Variants in GALNTL6 observed in about 807,000 individuals in gnomAD.
GALNTL6 encodes the protein polypeptide N-acetylgalactosaminyltransferase-like 6.
A neutral mutation model predicts 73.7 loss-of-function variants in GALNTL6; 46 were observed. The observed-to-expected ratio is 0.62, with a 90% CI of 0.49 to 0.80. The LOEUF (loss-of-function observed/expected upper bound fraction) is 0.80. Ranked by LOEUF, GALNTL6 falls within the 30% of genes least tolerant of loss-of-function variation. The pLI, the probability that GALNTL6 is intolerant of heterozygous loss-of-function variation, is 0.00. For synonymous variants in GALNTL6, 259 were observed against 263.7 expected, an observed-to-expected ratio of 0.98 and a Z score of 0.17; for missense variants, 604 against 755.0, an observed-to-expected ratio of 0.80 and a Z score of 2.34.
chr4:172,638,829 T>G (rs1448179499), intron 5 of GALNTL6, among the ~76,000 whole-genome samples: 1 of 152,136 alleles, frequency 6.6e-6, no homozygotes, highest in Non-Finnish European at 1.5e-5. Flanking sequence ...TGCCTCTAAT[T>G]TGGGACAGTT....
At position 171,814,566 on chromosome 4, in the gene GALNTL6, C is replaced by T. The variant is rs1276311292; in HGVS notation, c.-15C>T. The T allele has an allele frequency of 6.2e-7, 1 of 1,613,774 alleles. No homozygotes were observed. The highest frequency in any genetic ancestry group is 2.2e-5 in the East Asian group (1 of 44,870). ...AGCCATCTCCTTTAACTTTTCTTCT[C>T]TGTTACCATTTGCAATGAAGAGGAA... On this transcript the variant is annotated 5_prime_UTR_variant, in exon 2 of 13. Coordinates refer to ENST00000506823, the MANE Select transcript of GALNTL6 (RefSeq NM_001034845.3).
intron 5 of GALNTL6, among the ~76,000 whole-genome samples, chr4:172,381,422 C>A (rs900310593): frequency 1.3e-5 from 2 of 152,134 alleles, no homozygotes; most frequent in Non-Finnish European, 2.9e-5. Flanking sequence ...AGCAGTCACT[C>A]CCATTCCTCC....
chr4:172,298,001 A>G (rs373244712), intron 3 of GALNTL6, among the ~76,000 whole-genome samples: 1 of 152,172 alleles, frequency 6.6e-6, no homozygotes, highest in Non-Finnish European at 1.5e-5. Context: ...ATGTTCTTCC[A>G]TTTGTTTATA....
At position 172,394,355 on chromosome 4, in the gene GALNTL6, T is replaced by C. The variant is rs949949944; in HGVS notation, c.553+45666T>C. On this transcript the variant is annotated intron_variant, in intron 5 of 12. Transcript: ENST00000506823. ...TGGAGTTTCTTTGATGTAACACATG[T>C]GTTCCCAACTTCAACAAAAAAGCCA... Among the ~76,000 whole-genome samples, 4 of 152,040 alleles carry C rather than the reference T, an allele frequency of 2.6e-5. No individual in the cohort carries two copies. In the East Asian group the frequency reaches 7.7e-4, roughly 29 times the overall value.
chr4:172,831,097 G>T (rs1156609924), intron 7 of GALNTL6, among the ~76,000 whole-genome samples: 1 of 143,700 alleles, frequency 7.0e-6, no homozygotes, highest in Non-Finnish European at 1.5e-5. Flanking sequence ...GGCGGAGGTT[G>T]CAGTGAGCGG....
chr4:172,051,109 A>AC (rs1207227339), intron 2 of GALNTL6, among the ~76,000 whole-genome samples: 2 of 151,460 alleles, frequency 1.3e-5, no homozygotes, highest in Non-Finnish European at 2.9e-5. Flanking sequence ...GAGTTCCCTG[A>AC]CCCCCCTACA....
intron 11 of GALNTL6, among the ~76,000 whole-genome samples, chr4:173,019,775 C>T (rs1752924715): frequency 6.6e-6 from 1 of 152,210 alleles, no homozygotes; most frequent in African/African-American, 2.4e-5. Flanking sequence ...TGTTCACATG[C>T]TCGTTTAGGT....
chr4:171,927,606 T>A (rs1738029090), intron 2 of GALNTL6, among the ~76,000 whole-genome samples: 2 of 152,106 alleles, frequency 1.3e-5, no homozygotes, highest in Admixed American at 1.3e-4. Context: ...TTGGCACCCC[T>A]TAGTCCTCAT....
intron 12 of GALNTL6, among the ~76,000 whole-genome samples, chr4:173,025,209 A>G (rs954209796): frequency 2.6e-5 from 4 of 152,220 alleles, no homozygotes; most frequent in South Asian, 4.1e-4. Context: ...GTTTCCTACA[A>G]TAACAGGCAC....
At chr4:172,477,712 C>T (rs1003584726) in intron 5 of GALNTL6, among the ~76,000 whole-genome samples, 1 of 152,112 alleles carries the variant, frequency 6.6e-6, no homozygotes, top group Non-Finnish European at 1.5e-5. Context: ...GGAGAGTAAA[C>T]AATTACATTT....
At chr4:172,446,859 G>T (rs745696930) in intron 5 of GALNTL6, among the ~76,000 whole-genome samples, 1 of 152,098 alleles carries the variant, frequency 6.6e-6, no homozygotes, top group African/African-American at 2.4e-5. Flanking sequence ...TGCAACTGTG[G>T]ATGATATACT....
At chr4:171,839,587 C>T (rs924165600) in intron 2 of GALNTL6, among the ~76,000 whole-genome samples, 2 of 151,670 alleles carry the variant, frequency 1.3e-5, no homozygotes, top group African/African-American at 4.9e-5. Context: ...CACATACTTG[C>T]ACATACGTTC....
intron 5 of GALNTL6, among the ~76,000 whole-genome samples, chr4:172,753,861 T>C (rs1249083016): frequency 6.6e-6 from 1 of 152,054 alleles, no homozygotes; most frequent in Non-Finnish European, 1.5e-5. Context: ...AAAAAAAATC[T>C]GTGGAAGATT....
intron 7 of GALNTL6, among the ~76,000 whole-genome samples, chr4:172,838,359 C>T (rs766226911): frequency 1.5e-4 from 23 of 152,124 alleles, no homozygotes; most frequent in Non-Finnish European, 2.5e-4. Context: ...GTCCGGTGGG[C>T]GGAGTCCAGA....
At chr4:172,128,943 G>C (rs1733380352) in intron 2 of GALNTL6, among the ~76,000 whole-genome samples, 1 of 152,116 alleles carries the variant, frequency 6.6e-6, no homozygotes, top group Non-Finnish European at 1.5e-5. Context: ...TGTTTGATTT[G>C]AAGGCCTAAC....
chr4:172,691,113 G>A (rs1052899976), intron 5 of GALNTL6, among the ~76,000 whole-genome samples: 2 of 152,176 alleles, frequency 1.3e-5, no homozygotes, highest in Non-Finnish European at 2.9e-5. Flanking sequence ...TTCCATGGAG[G>A]AGGACAACAT....
At chr4:172,031,072 A>C (rs1741752075) in intron 2 of GALNTL6, among the ~76,000 whole-genome samples, 1 of 152,054 alleles carries the variant, frequency 6.6e-6, no homozygotes, top group Non-Finnish European at 1.5e-5. Flanking sequence ...ATTATCATAG[A>C]AATGCCCTAT....
At chr4:172,001,627 G>T (rs1485407063) in intron 2 of GALNTL6, among the ~76,000 whole-genome samples, 2 of 152,106 alleles carry the variant, frequency 1.3e-5, no homozygotes, top group Non-Finnish European at 1.5e-5. Context: ...AAAAGCAGAG[G>T]CATGGTATTT....
intron 5 of GALNTL6, among the ~76,000 whole-genome samples, chr4:172,693,699 GA>G (rs1345728118): frequency 2.6e-5 from 4 of 152,110 alleles, no homozygotes; most frequent in African/African-American, 9.7e-5. Flanking sequence ...CAAAACAGCT[GA>G]TTCTCTGCCT....
Sources: allele counts gnomAD v4.1 joint callset (sites outside exome capture counted in the v4.1 genomes callset), GRCh38; gene constraint gnomAD v4.1.1; transcripts MANE v1.5; gene names NCBI Gene and HGNC (gene_info 2026-07-23, HGNC 2026-07-21).